The following PLXNA4 variants were observed in gnomAD, a reference collection of about 807,000 sequenced individuals.
PLXNA4 encodes the protein plexin-A4.
PLXNA4 carries 44 observed loss-of-function variants against 191.8 expected under a neutral mutation model. The observed-to-expected ratio is 0.23, with a 90% CI of 0.18 to 0.29. The LOEUF (loss-of-function observed/expected upper bound fraction) is 0.29. PLXNA4 is among the 10% of genes least tolerant of loss of function. The pLI is 1.00. For synonymous variants in PLXNA4, 1,082 were observed against 1,009.5 expected (o/e 1.07, Z -1.36); for missense variants, 1,800 against 2,488.8 (o/e 0.72, Z 5.89).
chr7:132,177,902 G>A (rs1416916566), intron 20 of PLXNA4, among the ~76,000 whole-genome samples: 1 of 152,216 alleles, frequency 6.6e-6, no homozygotes, highest in Non-Finnish European at 1.5e-5. Context: ...AAAAAGAGCC[G>A]TGGCTGCCCT....
At chr7:132,609,605 T>A (rs140602032) in intron 2 of PLXNA4, among the ~76,000 whole-genome samples, 2 of 152,370 alleles carry the variant, frequency 1.3e-5, no homozygotes, top group East Asian at 3.9e-4. Flanking sequence ...GCTCATTTAC[T>A]TTTATTTACT....
intron 21 of PLXNA4, 85 bp downstream of exon 21, chr7:132,174,693 T>C: frequency 1.3e-6 from 2 of 1,559,128 alleles, no homozygotes; most frequent in Non-Finnish European, 1.7e-6. Context: ...GCCTTAGTTT[T>C]CTCACCTCCG....
intron 1 of PLXNA4, among the ~76,000 whole-genome samples, chr7:132,514,521 C>T (rs542708191): frequency 6.6e-6 from 1 of 152,204 alleles, no homozygotes; most frequent in Non-Finnish European, 1.5e-5. Context: ...GGGAGGGTGT[C>T]TTGGGATAAG....
At chr7:132,420,302 C>T (rs1563088583) in intron 3 of PLXNA4, among the ~76,000 whole-genome samples, 1 of 152,232 alleles carries the variant, frequency 6.6e-6, no homozygotes, top group Non-Finnish European at 1.5e-5. Flanking sequence ...TGTCTCTTTG[C>T]TTGTCTACCC....
intron 3 of PLXNA4, among the ~76,000 whole-genome samples, chr7:132,417,711 G>A (rs896839896): frequency 1.3e-5 from 2 of 151,310 alleles, no homozygotes; most frequent in African/African-American, 2.4e-5. Flanking sequence ...GGGAGAGGTG[G>A]GGGAGGAGGG....
intron 20 of PLXNA4, among the ~76,000 whole-genome samples, chr7:132,178,695 A>AACACAT (rs1204258477): frequency 2.8e-4 from 25 of 90,854 alleles, no homozygotes; most frequent in Admixed American, 2.3e-4. Context: ...TTGTAAATGA[A>AACACAT]ACACATACAC....
At chr7:132,147,726 G>A (rs76152170) in intron 27 of PLXNA4, among the ~76,000 whole-genome samples, 174 bp downstream of exon 27, 5,519 of 152,196 alleles carry the variant, frequency 0.036, 171 homozygotes, top group African/African-American at 0.082. Flanking sequence ...GCATCAGAGT[G>A]CCCGACTGAA....
chr7:132,548,852 C>T (rs546175129), intron 1 of PLXNA4, among the ~76,000 whole-genome samples: 1 of 152,154 alleles, frequency 6.6e-6, no homozygotes, highest in South Asian at 2.1e-4. Context: ...AGAAGCTGGC[C>T]AAAACTCACC....
In PLXNA4 at chr7:132,565,681, C is replaced by G. The variant is rs928109595; in HGVS notation, c.-87+10741G>C. ...CAAAGAGAATGCCATGAATAGTCCC[C>G]CGTGGGCCTGAGCCCTCTCCCACCT... On this transcript the variant is annotated intron_variant, in intron 1 of 31. Transcript: ENST00000321063. Among the ~76,000 whole-genome samples the G allele has an allele frequency of 4.6e-5, 7 of 152,300 alleles. No individual in the cohort carries two copies. In the South Asian group the frequency reaches 1.5e-3, roughly 32 times the overall value.
rs548504393 is a variant in PLXNA4 at position 132,595,736 on chromosome 7, C to T, written c.-87+50192G>A. Among the ~76,000 whole-genome samples, 180 of 152,222 alleles carry T rather than the reference C, an allele frequency of 1.2e-3. 1 individual carries two copies. The highest frequency in any genetic ancestry group is 4.1e-3 in the African/African-American group (169 of 41,538). ...AAGAAGCTGCCATTCTTTCTTCCCC[C>T]AAGTATTGTGACAAAGTTGCTTCAA... On this transcript the variant is annotated intron_variant, in intron 2 of 4. Transcript: ENST00000378539.
Position 132,358,743 on chromosome 7 carries a change from A to G in PLXNA4, c.1372-60521T>C, listed in dbSNP as rs553720900. Among the ~76,000 whole-genome samples, 3 of 152,342 alleles carry G rather than the reference A, an allele frequency of 2.0e-5. No homozygotes were observed. In the South Asian group the frequency reaches 6.2e-4, roughly 32 times the overall value. On this transcript the variant is annotated intron_variant, in intron 3 of 31. Transcript: ENST00000321063. ...GTGAGTATATAATTACATCTATGTCAAGTTCTGTGAAGAAAAGATGAATGC... is the reference window on the plus strand; with the variant it reads ...GTGAGTATATAATTACATCTATGTCGAGTTCTGTGAAGAAAAGATGAATGC...
intron 2 of PLXNA4, among the ~76,000 whole-genome samples, chr7:132,624,272 C>A (rs1271478320): frequency 6.6e-6 from 1 of 152,130 alleles, no homozygotes; most frequent in East Asian, 1.9e-4. Flanking sequence ...AATGGTAGTA[C>A]CCGTGGTGAT....
chr7:132,132,962 G>A lies in PLXNA4; in HGVS notation c.5589+87C>T, dbSNP rs562942409. 6.5e-5 allele frequency: 99 copies of A among 1,525,288 alleles called. 2 individuals carry two copies. The highest frequency in any genetic ancestry group is 5.9e-5 in the Admixed American group (3 of 50,956). 94.5% of individuals were successfully genotyped at this position (1,525,288 alleles called of 1,614,324 possible). The stretch of plus-strand genomic sequence containing the variant: ...CAGCAGAGGTGGATGTGTCTGTGGC[G>A]ATGATCTCTTATACGGAGGCATGCA... On this transcript the variant is annotated intron_variant, in intron 31 of 31. Coordinates refer to ENST00000321063, the MANE Select transcript of PLXNA4 (RefSeq NM_020911.2).
chr7:132,471,244 T>C (rs1297791856), intron 3 of PLXNA4, among the ~76,000 whole-genome samples: 4 of 152,210 alleles, frequency 2.6e-5, no homozygotes, highest in African/African-American at 9.6e-5. Flanking sequence ...CAAGCAGATA[T>C]ACACCCTGTA....
intron 4 of PLXNA4, among the ~76,000 whole-genome samples, chr7:132,284,010 C>T (rs1800587407): frequency 6.6e-6 from 1 of 152,016 alleles, no homozygotes; most frequent in Admixed American, 6.6e-5. Context: ...CATCTCTACA[C>T]AAAATTTTTA....
At chr7:132,293,668 G>A (rs954300862) in intron 4 of PLXNA4, among the ~76,000 whole-genome samples, 3 of 152,190 alleles carry the variant, frequency 2.0e-5, no homozygotes, top group African/African-American at 7.2e-5. Context: ...ATGTAAGAAT[G>A]GACAGCATAA....
chr7:132,262,534 G>A (rs1251675572), intron 4 of PLXNA4, among the ~76,000 whole-genome samples: 1 of 152,166 alleles, frequency 6.6e-6, no homozygotes, highest in Non-Finnish European at 1.5e-5. Context: ...AGGTAGGAAA[G>A]AGTTGGTGGC....
chr7:132,534,701 G>A (rs905488631), intron 1 of PLXNA4, among the ~76,000 whole-genome samples: 1 of 152,164 alleles, frequency 6.6e-6, no homozygotes, highest in Non-Finnish European at 1.5e-5. Context: ...GAAAATACTA[G>A]AACTTCTATT....
At chr7:132,355,806 C>A (rs1177424371) in intron 3 of PLXNA4, among the ~76,000 whole-genome samples, 1 of 151,978 alleles carries the variant, frequency 6.6e-6, no homozygotes, top group Non-Finnish European at 1.5e-5. Context: ...AAATGGAGAT[C>A]ATATGATGCC....
Sources: allele counts gnomAD v4.1 joint callset (sites outside exome capture counted in the v4.1 genomes callset), GRCh38; gene constraint gnomAD v4.1.1; transcripts MANE v1.5; gene names NCBI Gene and HGNC (gene_info 2026-07-23, HGNC 2026-07-21).